Variants in TRHDE observed in about 807,000 individuals in gnomAD.
The protein encoded by TRHDE is thyrotropin releasing hormone degrading enzyme, also known as thyrotropin-releasing hormone-degrading ectoenzyme.
A neutral mutation model predicts 125.7 loss-of-function variants in TRHDE; 72 were observed. The observed-to-expected ratio is 0.57, with a 90% CI of 0.47 to 0.70. The LOEUF is 0.70. Ranked by LOEUF, TRHDE falls within the 30% of genes least tolerant of loss-of-function variation. The pLI is 0.00. For synonymous variants in TRHDE, 509 were observed against 509.1 expected, an observed-to-expected ratio of 1.00 and a Z score of 0.00; for missense variants, 1,110 against 1,327.1, an observed-to-expected ratio of 0.84 and a Z score of 2.54.
intron 12 of TRHDE, among the ~76,000 whole-genome samples, chr12:72,606,400 C>T (rs536818773): frequency 1.3e-5 from 2 of 152,122 alleles, no homozygotes; most frequent in Admixed American, 6.5e-5. Context: ...AATATAGATG[C>T]ATGGCACGTG....
intron 2 of TRHDE, chr12:72,147,926 G>A (rs1876266446): frequency 1.3e-5 from 2 of 152,234 alleles, no homozygotes; most frequent in African/African-American, 4.8e-5. Flanking sequence ...GGGCTGAACA[G>A]CTCTCTAATG....
intron 2 of TRHDE, among the ~76,000 whole-genome samples, chr12:72,106,481 T>C (rs1034379023): frequency 4.6e-5 from 7 of 152,086 alleles, no homozygotes; most frequent in Non-Finnish European, 7.4e-5. Context: ...TATATATGTA[T>C]AAGAAACTAG....
chr12:72,282,004 A>C (rs904408760), intron 1 of TRHDE, among the ~76,000 whole-genome samples: 5 of 152,332 alleles, frequency 3.3e-5, no homozygotes, highest in Admixed American at 2.0e-4. Context: ...GATAGAAGAG[A>C]ATTAAAATAC....
intron 15 of TRHDE, among the ~76,000 whole-genome samples, chr12:72,622,618 G>A (rs547042982): frequency 4.4e-4 from 67 of 151,952 alleles, no homozygotes; most frequent in Non-Finnish European, 9.0e-4. Flanking sequence ...ATGCATGTGA[G>A]GGATGATCCC....
intron 15 of TRHDE, among the ~76,000 whole-genome samples, chr12:72,629,317 A>G (rs1398048572): frequency 6.6e-6 from 1 of 151,766 alleles, no homozygotes; most frequent in Non-Finnish European, 1.5e-5. Context: ...ATTTTTACAT[A>G]AGTATGCTTT....
chr12:72,536,409 G>T (rs188205752), intron 6 of TRHDE, among the ~76,000 whole-genome samples: 2 of 152,210 alleles, frequency 1.3e-5, no homozygotes, highest in African/African-American at 4.8e-5. Context: ...TTTGCAAGGA[G>T]AGAGGAAAGG....
At chr12:72,544,766 A>G (rs1355143680) in intron 7 of TRHDE, among the ~76,000 whole-genome samples, 2 of 151,516 alleles carry the variant, frequency 1.3e-5, no homozygotes, top group African/African-American at 4.8e-5. Context: ...AAATACATAC[A>G]TGTATATGTG....
At chr12:72,297,586 T>C (rs1174043554) in intron 2 of TRHDE, among the ~76,000 whole-genome samples, 1 of 152,082 alleles carries the variant, frequency 6.6e-6, no homozygotes, top group Non-Finnish European at 1.5e-5. Context: ...ATGAAAAAAG[T>C]TCAAGAGTGT....
At position 72,153,798 on chromosome 12, in the gene TRHDE, G is replaced by A. The variant is rs188934010; in HGVS notation, n.279+48046G>A. Among the ~76,000 whole-genome samples, 454 of 152,310 alleles carry A rather than the reference G, an allele frequency of 3.0e-3. 3 individuals carry two copies. Among genetic ancestry groups the A allele is most frequent in the African/African-American group, 0.01 (421 of 41,560 alleles). ...ATTTCTCTTCTTTCACATTTGCTGA[G>A]GAGTGCTTTACTTCCAACTATGTGG... On this transcript the variant is annotated intron_variant and non_coding_transcript_variant, in intron 2 of 4. Coordinates refer to the TRHDE transcript ENST00000548156.
intron 2 of TRHDE, among the ~76,000 whole-genome samples, chr12:72,313,335 G>T (rs1725684495): frequency 6.6e-6 from 1 of 151,726 alleles, no homozygotes. Context: ...TAATACAAGT[G>T]TTTTTTCTTT....
intron 15 of TRHDE, among the ~76,000 whole-genome samples, chr12:72,637,213 C>A (rs547176524): frequency 6.6e-6 from 1 of 152,090 alleles, no homozygotes; most frequent in African/African-American, 2.4e-5. Context: ...GATTCAACTT[C>A]TTCCTGGTTT....
At chr12:72,591,904 G>A (rs1204233032) in intron 12 of TRHDE, among the ~76,000 whole-genome samples, 4 of 150,408 alleles carry the variant, frequency 2.7e-5, no homozygotes, top group Non-Finnish European at 4.4e-5. Flanking sequence ...TTTTCCTCCT[G>A]TATTCAAAGT....
intron 15 of TRHDE, among the ~76,000 whole-genome samples, chr12:72,633,570 C>T (rs912232959): frequency 1.3e-5 from 2 of 152,010 alleles, no homozygotes; most frequent in African/African-American, 4.8e-5. Flanking sequence ...ACAGAACCAC[C>T]CTAGCTTCAG....
At chr12:72,335,641 C>T (rs1869798334) in intron 2 of TRHDE, among the ~76,000 whole-genome samples, 1 of 152,216 alleles carries the variant, frequency 6.6e-6, no homozygotes, top group Admixed American at 6.5e-5. Flanking sequence ...ATCATGTAGG[C>T]TTGCCTTGTA....
chr12:72,126,063 G>A (rs1395310234), intron 2 of TRHDE, among the ~76,000 whole-genome samples: 1 of 152,190 alleles, frequency 6.6e-6, no homozygotes, highest in Non-Finnish European at 1.5e-5. Flanking sequence ...CAGGGCATAT[G>A]TGTGAAGGAA....
intron 6 of TRHDE, among the ~76,000 whole-genome samples, chr12:72,515,538 T>G (rs1481757634): frequency 1.3e-5 from 2 of 152,214 alleles, no homozygotes; most frequent in African/African-American, 4.8e-5. Flanking sequence ...TTCTAGATAT[T>G]AGCCCTTTGT....
At chr12:72,374,007 C>T (rs1355855053) in intron 2 of TRHDE, among the ~76,000 whole-genome samples, 1 of 152,058 alleles carries the variant, frequency 6.6e-6, no homozygotes, top group East Asian at 1.9e-4. Context: ...TACATAACAG[C>T]TTGAAGGAGC....
At chr12:72,238,647 G>T (rs1878412984) in intron 2 of TRHDE, among the ~76,000 whole-genome samples, 1 of 151,580 alleles carries the variant, frequency 6.6e-6, no homozygotes, top group Admixed American at 6.6e-5. Context: ...TGCGGTGTTT[G>T]GTTTTCTGTT....
chr12:72,208,968 A>G (rs920384147), intron 2 of TRHDE, among the ~76,000 whole-genome samples: 9 of 152,178 alleles, frequency 5.9e-5, no homozygotes, highest in Non-Finnish European at 1.2e-4. Flanking sequence ...CTAGGCTCCT[A>G]TGCCATAGAT....
Sources: gnomAD v4.1 joint callset for allele counts (sites outside exome capture counted in the v4.1 genomes callset) on GRCh38, gnomAD v4.1.1 for gene constraint, MANE v1.5 for transcripts, NCBI Gene and HGNC (gene_info 2026-07-23, HGNC 2026-07-21) for gene names.